TRHDE: variants seen among roughly 807,000 people sequenced by gnomAD.
TRHDE encodes the protein thyrotropin releasing hormone degrading enzyme, also known as thyrotropin-releasing hormone-degrading ectoenzyme.
In TRHDE, 72 loss-of-function variants were observed where a neutral mutation model predicts 125.7. That is an observed-to-expected ratio of 0.57 (90% CI 0.47 to 0.70). The LOEUF (loss-of-function observed/expected upper bound fraction) is 0.70. Among genes scored for constraint, TRHDE ranks in the 30% least tolerant of loss-of-function variants. The pLI is 0.00. For synonymous variants in TRHDE, 509 were observed against 509.1 expected, an observed-to-expected ratio of 1.00 and a Z score of 0.00; for missense variants, 1,110 against 1,327.1, an observed-to-expected ratio of 0.84 and a Z score of 2.54.
intron 12 of TRHDE, among the ~76,000 whole-genome samples, chr12:72,610,114 G>C (rs1479065369): frequency 6.6e-6 from 1 of 152,126 alleles, no homozygotes; most frequent in Non-Finnish European, 1.5e-5. Context: ...TGTACATAAA[G>C]TATATATTCT....
chr12:72,107,693 T>C (rs912211768), intron 2 of TRHDE, among the ~76,000 whole-genome samples: 1 of 152,132 alleles, frequency 6.6e-6, no homozygotes, highest in Non-Finnish European at 1.5e-5. Context: ...AAAGCTACTG[T>C]GGCTCTTAAA....
At chr12:72,522,700 A>G (rs1431541070) in intron 6 of TRHDE, among the ~76,000 whole-genome samples, 2 of 152,204 alleles carry the variant, frequency 1.3e-5, no homozygotes, top group Non-Finnish European at 2.9e-5. Context: ...ACTGGAGAAT[A>G]AAACTTCTTT....
At chr12:72,630,956 AT>A (rs1015997194) in intron 15 of TRHDE, among the ~76,000 whole-genome samples, 7 of 149,950 alleles carry the variant, frequency 4.7e-5, no homozygotes, top group Non-Finnish European at 1.0e-4. Flanking sequence ...GAGTTCCTTC[AT>A]TTTTTTCTTT....
At chr12:72,292,153 C>T (rs767968523) in intron 2 of TRHDE, among the ~76,000 whole-genome samples, 2 of 152,114 alleles carry the variant, frequency 1.3e-5, no homozygotes, top group Non-Finnish European at 2.9e-5. Context: ...ATGAGGCATG[C>T]CCTTAAGATC....
intron 5 of TRHDE, among the ~76,000 whole-genome samples, chr12:72,475,696 T>A (rs953366986): frequency 2.0e-5 from 3 of 152,182 alleles, no homozygotes; most frequent in Admixed American, 6.5e-5. Flanking sequence ...AGACCATGCA[T>A]TAGGAGTATA....
chr12:72,180,181 A>T (rs77828823), intron 2 of TRHDE, among the ~76,000 whole-genome samples: 1,973 of 151,696 alleles, frequency 0.013, 13 homozygotes, highest in African/African-American at 0.022. Context: ...GCTTTTTTTT[A>T]AAAAAAAGTT....
intron 6 of TRHDE, among the ~76,000 whole-genome samples, chr12:72,540,345 C>G (rs1039430058): frequency 1.3e-5 from 2 of 151,692 alleles, no homozygotes; most frequent in Non-Finnish European, 3.0e-5. Flanking sequence ...GATTGTACTT[C>G]TAGTTTTTCC....
At chr12:72,126,760 A>C (rs1875722042) in intron 2 of TRHDE, among the ~76,000 whole-genome samples, 1 of 152,222 alleles carries the variant, frequency 6.6e-6, no homozygotes, top group South Asian at 2.1e-4. Context: ...AAGGAAACCC[A>C]GGAAACACCA....
At chr12:72,383,370 ATTTTTTTTTTTTT>A (rs552559387) in intron 3 of TRHDE, among the ~76,000 whole-genome samples, 1 of 100,946 alleles carries the variant, frequency 9.9e-6, no homozygotes, top group African/African-American at 4.2e-5. Flanking sequence ...AACCCATTTA[ATTTTTTTTTTTTT>A]TTTTTTTTTT....
At chr12:72,403,880 T>C (rs1208969455) in intron 3 of TRHDE, among the ~76,000 whole-genome samples, 1 of 152,050 alleles carries the variant, frequency 6.6e-6, no homozygotes, top group Non-Finnish European at 1.5e-5. Context: ...AGGGGGTAGG[T>C]CATAGTTGAA....
At chr12:72,399,051 T>C (rs1429735968) in intron 3 of TRHDE, among the ~76,000 whole-genome samples, 1 of 152,196 alleles carries the variant, frequency 6.6e-6, no homozygotes, top group African/African-American at 2.4e-5. Flanking sequence ...TAGATTCTCA[T>C]AGGAGCACAA....
At chr12:72,507,276 C>T (rs1878394852) in intron 6 of TRHDE, among the ~76,000 whole-genome samples, 1 of 152,110 alleles carries the variant, frequency 6.6e-6, no homozygotes, top group Non-Finnish European at 1.5e-5. Context: ...AATATGGAAG[C>T]AACTTTGGAA....
intron 3 of TRHDE, among the ~76,000 whole-genome samples, chr12:72,422,349 C>A (rs1873993236): frequency 6.6e-6 from 1 of 152,288 alleles, no homozygotes. Context: ...ATTCCCTACA[C>A]AATCCTTCAA....
At chr12:72,087,733 C>T (rs372856162) in intron 1 of TRHDE, among the ~76,000 whole-genome samples, 16 of 152,192 alleles carry the variant, frequency 1.1e-4, no homozygotes, top group Admixed American at 2.6e-4. Context: ...CTTGGAACAA[C>T]TGCTCAGGGA....
intron 15 of TRHDE, among the ~76,000 whole-genome samples, chr12:72,642,632 A>AAAAC (rs1160119892): frequency 1.3e-5 from 2 of 152,168 alleles, no homozygotes. Context: ...TACCTAGAGA[A>AAAAC]AAACAAACAC....
intron 18 of TRHDE, among the ~76,000 whole-genome samples, chr12:72,659,797 A>G (rs778206620): frequency 7.2e-5 from 11 of 152,202 alleles, no homozygotes; most frequent in Middle Eastern, 3.2e-3. Flanking sequence ...ATATCATGGT[A>G]TAGTTAGAAA....
chr12:72,296,135 TGATA>T (rs975978090), intron 2 of TRHDE, among the ~76,000 whole-genome samples: 1 of 152,302 alleles, frequency 6.6e-6, no homozygotes, highest in Admixed American at 6.5e-5. Context: ...ATGTAGAAAA[TGATA>T]GATACTCAGT....
intron 2 of TRHDE, among the ~76,000 whole-genome samples, chr12:72,243,925 A>G (rs1357265857): frequency 2.0e-5 from 3 of 152,194 alleles, no homozygotes; most frequent in Non-Finnish European, 4.4e-5. Context: ...TAATTAGGTC[A>G]TAGAGACCAG....
chr12:72,482,803 G>T (rs1018408703), intron 5 of TRHDE, among the ~76,000 whole-genome samples: 1 of 151,842 alleles, frequency 6.6e-6, no homozygotes, highest in South Asian at 2.1e-4. Context: ...TTGCATGACT[G>T]GTCCAATTTG....
Sources: gnomAD v4.1 joint callset for allele counts (sites outside exome capture counted in the v4.1 genomes callset) on GRCh38, gnomAD v4.1.1 for gene constraint, MANE v1.5 for transcripts, NCBI Gene and HGNC (gene_info 2026-07-23, HGNC 2026-07-21) for gene names.